Variants in PKIB observed in about 807,000 individuals in gnomAD.
PKIB encodes cAMP-dependent protein kinase inhibitor beta.
A neutral mutation model predicts 4.5 loss-of-function variants in PKIB; 2 were observed. That is an observed-to-expected ratio of 0.44 (90% CI 0.18 to 1.39). The LOEUF is 1.39. PKIB is among the 40% of genes most tolerant of loss of function. PKIB has a pLI of 0.27. For missense variants in PKIB, 94 were observed against 92.6 expected, an observed-to-expected ratio of 1.02 and a Z score of -0.06; for synonymous variants, 38 against 36.0, an observed-to-expected ratio of 1.06 and a Z score of -0.20.
At chr6:122,606,315 G>A (rs147586165), upstream of PKIB, among the ~76,000 whole-genome samples, 1 of 152,314 alleles carries the variant, frequency 6.6e-6, no homozygotes, top group Non-Finnish European at 1.5e-5. Flanking sequence ...GCCCACGCCT[G>A]TAATCCCAGC....
intron 3 of PKIB, among the ~76,000 whole-genome samples, chr6:122,689,348 C>T (rs974389793): frequency 6.6e-6 from 1 of 152,088 alleles, no homozygotes; most frequent in Non-Finnish European, 1.5e-5. Flanking sequence ...TAATATGCAT[C>T]ATTGAGTTGA....
intron 2 of PKIB, among the ~76,000 whole-genome samples, chr6:122,511,703 G>C (rs549788463): frequency 1.3e-5 from 2 of 152,186 alleles, no homozygotes; most frequent in African/African-American, 4.8e-5. Flanking sequence ...TATTTATTGA[G>C]TACAATCACT....
intron 2 of PKIB, among the ~76,000 whole-genome samples, chr6:122,508,622 C>G (rs769095489): frequency 3.9e-5 from 6 of 152,086 alleles, no homozygotes; most frequent in Non-Finnish European, 7.4e-5. Context: ...TGAGTACGCA[C>G]AGCTGTTTGT....
intron 2 of PKIB, chr6:122,481,520 A>C (rs191389476): frequency 6.6e-6 from 1 of 152,196 alleles, no homozygotes; most frequent in African/African-American, 2.4e-5. Flanking sequence ...AAGCAGTATC[A>C]TATCAAAACT....
chr6:122,562,536 T>C (rs893072603), intron 2 of PKIB, among the ~76,000 whole-genome samples: 1 of 152,190 alleles, frequency 6.6e-6, no homozygotes, highest in Non-Finnish European at 1.5e-5. Context: ...CCTCAATTAT[T>C]CCCCCAAATA....
At chr6:122,657,515 G>C (rs1776819748) in intron 2 of PKIB, among the ~76,000 whole-genome samples, 1 of 152,156 alleles carries the variant, frequency 6.6e-6, no homozygotes. Flanking sequence ...GAGCTAACTT[G>C]GCTTTCATTT....
chr6:122,600,159 G>A (rs895952581), intron 3 of PKIB, among the ~76,000 whole-genome samples: 3 of 152,134 alleles, frequency 2.0e-5, no homozygotes, highest in Non-Finnish European at 4.4e-5. Flanking sequence ...TGAAGAACTT[G>A]GAGTCTGATG....
intron 1 of PKIB, among the ~76,000 whole-genome samples, chr6:122,621,185 AC>A (rs916161353): frequency 9.3e-4 from 142 of 152,290 alleles, no homozygotes; most frequent in African/African-American, 3.3e-3. Context: ...TAATTACTTT[AC>A]TACCTGTCTC....
intron 3 of PKIB, among the ~76,000 whole-genome samples, chr6:122,587,296 G>C (rs550611821): frequency 1.9e-3 from 288 of 152,140 alleles, no homozygotes; most frequent in Non-Finnish European, 3.6e-3. Flanking sequence ...TTATCCTTGC[G>C]ATAGTTTGCT....
At chr6:122,495,756 A>T (rs1776060532) in intron 2 of PKIB, among the ~76,000 whole-genome samples, 1 of 152,190 alleles carries the variant, frequency 6.6e-6, no homozygotes, top group African/African-American at 2.4e-5. Context: ...GTACTCTCAC[A>T]TTGGAGAACA....
chr6:122,712,180 T>C (rs2115057065), intron 3 of PKIB, among the ~76,000 whole-genome samples: 1 of 152,262 alleles, frequency 6.6e-6, no homozygotes, highest in Non-Finnish European at 1.5e-5. Flanking sequence ...ATAATAGGAT[T>C]TGAGGTCAAG....
intron 2 of PKIB, among the ~76,000 whole-genome samples, chr6:122,651,888 T>C (rs148295096): frequency 2.1e-3 from 313 of 152,312 alleles, no homozygotes; most frequent in Non-Finnish European, 2.9e-3. Context: ...TTAGTTTGGC[T>C]AAAATGCTCT....
chr6:122,682,771 C>T (rs1777950531), intron 3 of PKIB, among the ~76,000 whole-genome samples: 1 of 152,162 alleles, frequency 6.6e-6, no homozygotes, highest in Admixed American at 6.5e-5. Context: ...CTACAGTTCT[C>T]TCTGGTCCAC....
At chr6:122,547,520 T>C (rs945449195) in intron 2 of PKIB, among the ~76,000 whole-genome samples, 1 of 151,866 alleles carries the variant, frequency 6.6e-6, no homozygotes, top group African/African-American at 2.4e-5. Context: ...GTATTTTTAG[T>C]AGAGACGGGA....
chr6:122,511,008 A>T (rs1034933711), intron 2 of PKIB, among the ~76,000 whole-genome samples: 7 of 151,906 alleles, frequency 4.6e-5, no homozygotes, highest in African/African-American at 1.7e-4. Context: ...GACTGGGGGG[A>T]TTGGCAGAAA....
intron 3 of PKIB, among the ~76,000 whole-genome samples, chr6:122,605,073 TA>T (rs1388113473): frequency 6.6e-6 from 1 of 152,202 alleles, no homozygotes; most frequent in African/African-American, 2.4e-5. Context: ...GCAGGGTCAC[TA>T]ACTAGTAGCA....
intron 3 of PKIB, among the ~76,000 whole-genome samples, chr6:122,686,777 C>T (rs1778108408): frequency 6.6e-6 from 1 of 152,110 alleles, no homozygotes. Context: ...GTGTGAGGCA[C>T]CACATCCAGC....
In PKIB at chr6:122,599,129, C is replaced by T. The variant is rs535766355; in HGVS notation, c.-161+13122C>T. 1.1e-4 allele frequency among the ~76,000 whole-genome samples: 16 copies of T among 152,256 alleles called. No individual in the cohort carries two copies. In the South Asian group the frequency reaches 3.1e-3, roughly 30 times the overall value. ...GGCTTCTGAGGAGAATCAACATTATCTTGTCTGGCAATTGCCTCAGGGGAG... is the reference window on the plus strand; with the variant it reads ...GGCTTCTGAGGAGAATCAACATTATTTTGTCTGGCAATTGCCTCAGGGGAG... On this transcript the variant is annotated intron_variant, in intron 3 of 6. Transcript: ENST00000392491.
At chr6:122,674,562 A>G (rs1460493140) in intron 2 of PKIB, among the ~76,000 whole-genome samples, 1 of 152,194 alleles carries the variant, frequency 6.6e-6, no homozygotes, top group Non-Finnish European at 1.5e-5. Flanking sequence ...CAAGAGCAAG[A>G]TGGTTCGATT....
Sources: gnomAD v4.1 joint callset for allele counts (sites outside exome capture counted in the v4.1 genomes callset) on GRCh38, gnomAD v4.1.1 for gene constraint, MANE v1.5 for transcripts, NCBI Gene and HGNC (gene_info 2026-07-23, HGNC 2026-07-21) for gene names.